The following CFAP299 variants were observed in gnomAD, a reference collection of about 807,000 sequenced individuals.
The protein encoded by CFAP299 is cilia- and flagella-associated protein 299.
CFAP299 carries 21 observed loss-of-function variants against 27.0 expected under a neutral mutation model. That is an observed-to-expected ratio of 0.78 (90% CI 0.55 to 1.12). The LOEUF is 1.12. CFAP299 is among the 50% of genes most tolerant of loss of function. The probability of loss-of-function intolerance (pLI) is 0.00; values close to 1 mark genes in which losing one functional copy is unlikely to be tolerated. For synonymous variants in CFAP299, 104 were observed against 98.1 expected, an observed-to-expected ratio of 1.06 and a Z score of -0.36; for missense variants, 310 against 276.6, an observed-to-expected ratio of 1.12 and a Z score of -0.86.
chr4:80,572,838 A>T (rs753172419), intron 2 of CFAP299, among the ~76,000 whole-genome samples: 11 of 151,896 alleles, frequency 7.2e-5, no homozygotes, highest in Non-Finnish European at 1.2e-4. Flanking sequence ...TTTTTATTCC[A>T]TATGTATATG....
intron 3 of CFAP299, among the ~76,000 whole-genome samples, chr4:80,799,911 A>T (rs1339317272): frequency 2.4e-5 from 1 of 41,426 alleles, no homozygotes; most frequent in Non-Finnish European, 3.9e-5. Context: ...TTATAATATA[A>T]TATATAATAT....
intron 2 of CFAP299, among the ~76,000 whole-genome samples, chr4:80,436,046 T>A (rs774471790): frequency 2.0e-5 from 3 of 152,202 alleles, no homozygotes; most frequent in Non-Finnish European, 4.4e-5. Context: ...GTGACAAATA[T>A]GCTCCATGTA....
At chr4:80,927,331 T>C (rs563693488) in intron 4 of CFAP299, among the ~76,000 whole-genome samples, 10 of 152,086 alleles carry the variant, frequency 6.6e-5, no homozygotes, top group Non-Finnish European at 1.3e-4. Flanking sequence ...ATTCTGAGCC[T>C]CTGGTCCATC....
At chr4:80,709,907 A>T (rs1180827717) in intron 3 of CFAP299, among the ~76,000 whole-genome samples, 2 of 152,186 alleles carry the variant, frequency 1.3e-5, no homozygotes, top group African/African-American at 4.8e-5. Context: ...AAGTAATATG[A>T]ATTTCAAGAG....
At chr4:80,539,700 C>G (rs969928800) in intron 2 of CFAP299, among the ~76,000 whole-genome samples, 1 of 152,132 alleles carries the variant, frequency 6.6e-6, no homozygotes, top group African/African-American at 2.4e-5. Context: ...ATGTAAACAA[C>G]CTTAGCAATT....
chr4:80,329,784 T>C, the CFAP299 span, among the ~76,000 whole-genome samples: 1 of 152,146 alleles, frequency 6.6e-6, no homozygotes, highest in Admixed American at 6.5e-5. Flanking sequence ...TTTGATATTG[T>C]ACTCAGAAGC....
chr4:80,504,126 G>A (rs751541054), intron 2 of CFAP299, among the ~76,000 whole-genome samples: 24 of 151,924 alleles, frequency 1.6e-4, no homozygotes, highest in Non-Finnish European at 3.1e-4. Flanking sequence ...GGAGGAGATC[G>A]GCTTGGTTTG....
At chr4:80,759,875 G>GT (rs531914569) in intron 3 of CFAP299, among the ~76,000 whole-genome samples, 115 of 150,518 alleles carry the variant, frequency 7.6e-4, no homozygotes, top group East Asian at 5.8e-3. Context: ...CCTTAAACGT[G>GT]TTTTTTTTTG....
chr4:80,661,954 C>T (rs111430148), intron 3 of CFAP299, among the ~76,000 whole-genome samples: 7,715 of 152,220 alleles, frequency 0.051, 680 homozygotes, highest in African/African-American at 0.17. Context: ...TCTCCCATAG[C>T]GCTCTCAGGC....
At chr4:80,808,737 C>T (rs1274970004) in intron 3 of CFAP299, among the ~76,000 whole-genome samples, 2 of 152,070 alleles carry the variant, frequency 1.3e-5, no homozygotes, top group South Asian at 2.1e-4. Flanking sequence ...TTACATGTGA[C>T]ACATTCAGGA....
chr4:80,919,618 T>A (rs1462777621), intron 4 of CFAP299, among the ~76,000 whole-genome samples: 2 of 152,186 alleles, frequency 1.3e-5, no homozygotes, highest in Admixed American at 6.6e-5. Context: ...ATTCAATATG[T>A]TTGGATCATT....
chr4:80,481,170 G>A (rs1466949877), intron 2 of CFAP299, among the ~76,000 whole-genome samples: 1 of 151,958 alleles, frequency 6.6e-6, no homozygotes, highest in East Asian at 1.9e-4. Context: ...GGTCTGAGCA[G>A]TAAAGGCCAA....
chr4:80,725,093 C>A (rs897125885), intron 3 of CFAP299, among the ~76,000 whole-genome samples: 2 of 149,306 alleles, frequency 1.3e-5, no homozygotes, highest in African/African-American at 4.9e-5. Flanking sequence ...TACAGGCATG[C>A]ACCACCATGC....
rs1725287908 is a variant in CFAP299, at chr4:80,757,247, G to A, written c.334-112746G>A. On this transcript the variant is annotated intron_variant, in intron 3 of 5. Coordinates refer to ENST00000358105, the MANE Select transcript of CFAP299 (RefSeq NM_152770.3). ...TTTCTTTTTTTAAAAAAACAAAATT[G>A]TAATTGGAAATAAAATGTAAGATAT... Among the ~76,000 whole-genome samples, 4 of 151,970 alleles carry A rather than the reference G, an allele frequency of 2.6e-5. No homozygotes were observed. The South Asian group carries it at 8.3e-4, about 32-fold the overall frequency.
At chr4:80,897,534 T>C (rs892572317) in intron 4 of CFAP299, among the ~76,000 whole-genome samples, 1 of 152,106 alleles carries the variant, frequency 6.6e-6, no homozygotes, top group African/African-American at 2.4e-5. Context: ...AGAAACAGAT[T>C]CTAGGTTTAG....
intron 3 of CFAP299, among the ~76,000 whole-genome samples, chr4:80,670,232 T>C (rs1383250073): frequency 6.6e-6 from 1 of 151,776 alleles, no homozygotes; most frequent in Non-Finnish European, 1.5e-5. Context: ...TATGAAAACA[T>C]GCAGTGTTTG....
Position 80,739,757 on chromosome 4 carries a change from A to T in CFAP299, c.334-130236A>T, listed in dbSNP as rs181069391. Among the ~76,000 whole-genome samples the T allele has an allele frequency of 8.6e-4, 128 of 149,594 alleles. 1 individual carries two copies. The highest frequency in any genetic ancestry group is 3.1e-3 in the African/African-American group (123 of 39,648). ...TTAGAGAAGTTCTCTGTTATCCTTTAAAAAAAAACTTTCTACCCCTATCTC... is the reference window on the plus strand; with the variant it reads ...TTAGAGAAGTTCTCTGTTATCCTTTTAAAAAAAACTTTCTACCCCTATCTC... On this transcript the variant is annotated intron_variant, in intron 3 of 5. Transcript: ENST00000358105.
intron 3 of CFAP299, among the ~76,000 whole-genome samples, chr4:80,643,396 A>G (rs1739827709): frequency 6.6e-6 from 1 of 152,178 alleles, no homozygotes; most frequent in Admixed American, 6.6e-5. Context: ...TGTGCTACTT[A>G]TTAGAGGAGT....
chr4:80,930,927 T>C (rs1030156007), intron 4 of CFAP299, among the ~76,000 whole-genome samples: 12 of 152,140 alleles, frequency 7.9e-5, no homozygotes, highest in African/African-American at 2.9e-4. Context: ...CTGTCCTTTT[T>C]TTTTCCCTCA....
Sources: gnomAD v4.1 joint callset for allele counts (sites outside exome capture counted in the v4.1 genomes callset) on GRCh38, gnomAD v4.1.1 for gene constraint, MANE v1.5 for transcripts, NCBI Gene and HGNC (gene_info 2026-07-23, HGNC 2026-07-21) for gene names.